PIK3C2A: variants seen among roughly 807,000 people sequenced by gnomAD.
The protein encoded by PIK3C2A is phosphatidylinositol-4-phosphate 3-kinase catalytic subunit type 2 alpha, also known as phosphatidylinositol 4-phosphate 3-kinase C2 domain-containing subunit alpha.
Under a neutral mutation model 204.5 loss-of-function variants are expected in PIK3C2A, and 97 were observed. The ratio of observed to expected loss-of-function variants is 0.47; its 90% CI spans 0.40 to 0.56. The LOEUF is 0.56. Ranked by LOEUF, PIK3C2A falls within the 20% of genes least tolerant of loss-of-function variation. PIK3C2A has a pLI of 0.00. For synonymous variants in PIK3C2A, 653 were observed against 664.4 expected, an observed-to-expected ratio of 0.98 and a Z score of 0.26; for missense variants, 1,735 against 1,969.2, an observed-to-expected ratio of 0.88 and a Z score of 2.25.
At chr11:17,138,888 T>C (rs1016549910) in intron 8 of PIK3C2A, among the ~76,000 whole-genome samples, 16 of 152,184 alleles carry the variant, frequency 1.1e-4, no homozygotes, top group Non-Finnish European at 1.8e-4. Flanking sequence ...CTTAAAGCAA[T>C]TAATCATCTT....
intron 1 of PIK3C2A, among the ~76,000 whole-genome samples, chr11:17,174,165 C>T (rs1459831150): frequency 6.6e-6 from 1 of 151,976 alleles, no homozygotes; most frequent in African/African-American, 2.4e-5. Flanking sequence ...GGCTATTGGA[C>T]AGTCTTAAAG....
In PIK3C2A at chr11:17,172,809, C is replaced by T. The variant is rs991692157; in HGVS notation, c.-65-3003G>A. 5.3e-5 allele frequency among the ~76,000 whole-genome samples: 8 copies of T among 152,210 alleles called. No homozygotes were observed. The East Asian group carries it at 1.2e-3, about 22-fold the overall frequency. ...CAATGATTACCCTCCACTTCATCATCGGTGATTACCTCCTTTGCATTGTTA... is the reference window on the plus strand; with the variant it reads ...CAATGATTACCCTCCACTTCATCATTGGTGATTACCTCCTTTGCATTGTTA... On this transcript the variant is annotated intron_variant, in intron 1 of 32. Transcript: ENST00000691414.
intron 15 of PIK3C2A, among the ~76,000 whole-genome samples, chr11:17,121,278 T>G (rs988546103): frequency 6.6e-6 from 1 of 151,382 alleles, no homozygotes; most frequent in African/African-American, 2.4e-5. Context: ...ACACTGTGCC[T>G]GGCTACTTTT....
intron 1 of PIK3C2A, among the ~76,000 whole-genome samples, chr11:17,206,058 G>A (rs1453100863): frequency 6.6e-6 from 1 of 152,218 alleles, no homozygotes; most frequent in Non-Finnish European, 1.5e-5. Context: ...TGGAGGTGGA[G>A]GTTGCAGTGA....
At chr11:17,115,182 C>G (rs1480371267) in intron 19 of PIK3C2A, among the ~76,000 whole-genome samples, 2 of 151,714 alleles carry the variant, frequency 1.3e-5, no homozygotes. Context: ...TGAAAAAGAA[C>G]AAAGTAGGAG....
At chr11:17,106,031 C>T (rs986689522) in intron 22 of PIK3C2A, among the ~76,000 whole-genome samples, 1 of 152,008 alleles carries the variant, frequency 6.6e-6, no homozygotes, top group Non-Finnish European at 1.5e-5. Context: ...ATCCCTTGAA[C>T]CCAGGAGGCA....
Position 17,102,838 on chromosome 11 carries a change from A to G in PIK3C2A, c.3682-7T>C. The stretch of plus-strand genomic sequence containing the variant: ...AGATAAAGTTCTCTGAAGCCTATAA[A>G]AAACATACACAATTATTTTAGAAAA... On this transcript the variant is annotated splice_region_variant and splice_polypyrimidine_tract_variant and intron_variant, in intron 23 of 32. Transcript: ENST00000691414. 6.5e-7 allele frequency: 1 copy of G among 1,550,072 alleles called. No individual in the cohort carries two copies. The highest frequency in any genetic ancestry group is 8.8e-7 in the Non-Finnish European group (1 of 1,140,246).
At chr11:17,092,745 T>C (rs149409149) in intron 28 of PIK3C2A, among the ~76,000 whole-genome samples, 87 of 152,344 alleles carry the variant, frequency 5.7e-4, no homozygotes, top group African/African-American at 2.1e-3. Context: ...ATTATCCTTT[T>C]ATGAGCCTTG....
chr11:17,202,650 C>G (rs1186657465), intron 1 of PIK3C2A, among the ~76,000 whole-genome samples: 1 of 152,016 alleles, frequency 6.6e-6, no homozygotes, highest in Admixed American at 6.6e-5. Context: ...ATTTATTATG[C>G]TAAGTAAGTC....
In PIK3C2A at chr11:17,094,467, T is replaced by TAA. The variant is rs202026314; in HGVS notation, c.4327-84_4327-83dup. The TAA allele has an allele frequency of 1.3e-3, 1,424 of 1,128,250 alleles. 13 individuals are homozygous for TAA. The African/African-American group carries it at 0.019, about 15-fold the overall frequency. The allele number at this position is 1,128,250 out of a possible 1,614,324, so 69.9% of individuals were successfully genotyped here. A position where few individuals can be genotyped will look rare whatever the true frequency, so the allele number is the denominator to read the frequency against. ...GGCCGGGTGCAGTGGCTCATGCCTG[T>TAA]AATCCCAGCACTTTGGGAGGCCGAG... On this transcript the variant is annotated intron_variant, in intron 27 of 32. Transcript: ENST00000691414.
intron 13 of PIK3C2A, among the ~76,000 whole-genome samples, chr11:17,124,092 G>A (rs147047883): frequency 1.1e-3 from 162 of 151,840 alleles, no homozygotes; most frequent in African/African-American, 3.7e-3. Flanking sequence ...TGGAATGCGC[G>A]GTGTGATCAT....
At chr11:17,125,438 A>C (rs1849491204) in intron 13 of PIK3C2A, among the ~76,000 whole-genome samples, 1 of 152,206 alleles carries the variant, frequency 6.6e-6, no homozygotes, top group Non-Finnish European at 1.5e-5. Flanking sequence ...CCTGGCCGAA[A>C]TCTATTATTT....
At chr11:17,125,563 G>A (rs1308437306) in intron 13 of PIK3C2A, among the ~76,000 whole-genome samples, 4 of 151,994 alleles carry the variant, frequency 2.6e-5, no homozygotes, top group Non-Finnish European at 4.4e-5. Context: ...GCCCAGGCTG[G>A]AGTGTAGTGG....
chr11:17,162,692 T>C (rs574531245), intron 2 of PIK3C2A, among the ~76,000 whole-genome samples: 1 of 152,326 alleles, frequency 6.6e-6, no homozygotes, highest in Admixed American at 6.5e-5. Context: ...TCACTTTCCT[T>C]TTCTGACCAT....
intron 11 of PIK3C2A, among the ~76,000 whole-genome samples, chr11:17,132,484 C>T (rs868351937): frequency 5.3e-5 from 8 of 151,262 alleles, no homozygotes; most frequent in East Asian, 3.9e-4. Context: ...CGCCCGCCAC[C>T]GCGCCCGGCT....
At chr11:17,196,334 G>A (rs774151442) in intron 1 of PIK3C2A, among the ~76,000 whole-genome samples, 1 of 152,202 alleles carries the variant, frequency 6.6e-6, no homozygotes, top group African/African-American at 2.4e-5. Context: ...CATTGCTCAA[G>A]ATCCCTATTG....
In PIK3C2A at chr11:17,122,184, A is replaced by C. The variant is rs759110725; in HGVS notation, c.2657+4T>G. ...TAGCCCAAAACAGAATAAACAGAAC[A>C]TACCCAAGTGATGAGTCTTTATGAA... On this transcript the variant is annotated splice_donor_region_variant and intron_variant, in intron 15 of 32. Coordinates refer to ENST00000691414, the MANE Select transcript of PIK3C2A (RefSeq NM_002645.4). The C allele has an allele frequency of 6.3e-7, 1 of 1,575,772 alleles. No homozygotes were observed. The highest frequency in any genetic ancestry group is 8.7e-7 in the Non-Finnish European group (1 of 1,148,558).
At chr11:17,150,986 C>T (rs769515271) in intron 3 of PIK3C2A, among the ~76,000 whole-genome samples, 1 of 152,156 alleles carries the variant, frequency 6.6e-6, no homozygotes, top group African/African-American at 2.4e-5. Context: ...TACAATTACA[C>T]AAAATGGTAC....
At chr11:17,166,249 A>T (rs932286465) in intron 2 of PIK3C2A, among the ~76,000 whole-genome samples, 17 of 152,212 alleles carry the variant, frequency 1.1e-4, no homozygotes, top group African/African-American at 3.9e-4. Context: ...AAAAAAATGC[A>T]GAAGAGTCCT....
Sources: allele counts gnomAD v4.1 joint callset (sites outside exome capture counted in the v4.1 genomes callset), GRCh38; gene constraint gnomAD v4.1.1; transcripts MANE v1.5; gene names NCBI Gene and HGNC (gene_info 2026-07-23, HGNC 2026-07-21).